AGMO: variants seen among roughly 807,000 people sequenced by gnomAD.
The protein encoded by AGMO is alkylglycerol monooxygenase, also known as glyceryl-ether monooxygenase.
A neutral mutation model predicts 60.2 loss-of-function variants in AGMO; 75 were observed. That is an observed-to-expected ratio of 1.25 (90% CI 1.03 to 1.51). AGMO has a LOEUF of 1.51. AGMO is among the 40% of genes most tolerant of loss of function. The probability of loss-of-function intolerance (pLI) is 0.00; values close to 1 mark genes in which losing one functional copy is unlikely to be tolerated. For synonymous variants in AGMO, 261 were observed against 177.1 expected (o/e 1.47, Z -3.76); for missense variants, 763 against 525.5 (o/e 1.45, Z -4.42).
the AGMO span, among the ~76,000 whole-genome samples, chr7:15,156,101 A>G: frequency 6.6e-6 from 1 of 152,178 alleles, no homozygotes; most frequent in Admixed American, 6.5e-5. Flanking sequence ...GGGTCCTTGT[A>G]CATATGCACA....
intron 5 of AGMO, among the ~76,000 whole-genome samples, chr7:15,402,310 T>C (rs1211951197): frequency 6.6e-6 from 1 of 151,126 alleles, no homozygotes; most frequent in Admixed American, 6.6e-5. Context: ...TTCTCTTTCT[T>C]TTTCTCTCTC....
the AGMO span, among the ~76,000 whole-genome samples, chr7:15,126,480 A>G: frequency 1.3e-5 from 2 of 152,202 alleles, no homozygotes; most frequent in African/African-American, 4.8e-5. Context: ...ATAGTTACCT[A>G]TGAAATAAAG....
chr7:15,322,981 A>ATTTTTTT (rs146681446), intron 12 of AGMO, among the ~76,000 whole-genome samples: 6 of 146,376 alleles, frequency 4.1e-5, no homozygotes, highest in Non-Finnish European at 7.4e-5. Flanking sequence ...ATATATATGT[A>ATTTTTTT]TTTATTTTTT....
intron 12 of AGMO, among the ~76,000 whole-genome samples, chr7:15,245,407 G>GT (rs1280432024): frequency 1.3e-5 from 2 of 152,138 alleles, no homozygotes; most frequent in African/African-American, 4.8e-5. Context: ...CTGAGAGGGA[G>GT]TTTGAGATTT....
intron 2 of AGMO, among the ~76,000 whole-genome samples, chr7:15,547,632 G>A (rs891981550): frequency 6.6e-6 from 1 of 152,110 alleles, no homozygotes; most frequent in South Asian, 2.1e-4. Context: ...GGCGCACCAC[G>A]AGATTATATC....
chr7:15,291,020 G>A (rs1050566943), intron 12 of AGMO, among the ~76,000 whole-genome samples: 4 of 152,016 alleles, frequency 2.6e-5, no homozygotes, highest in African/African-American at 9.7e-5. Context: ...ATTCATTCTT[G>A]TGTGCAATAA....
At chr7:15,189,328 GTTTTT>G in the AGMO span, among the ~76,000 whole-genome samples, 3 of 149,702 alleles carry the variant, frequency 2.0e-5, no homozygotes, top group South Asian at 2.1e-4. Context: ...CTGATTTTAA[GTTTTT>G]TTTTTCTTTT....
intron 2 of AGMO, 82 bp downstream of exon 2, chr7:15,560,059 C>A (rs1240928416): frequency 7.9e-6 from 10 of 1,260,086 alleles, no homozygotes; most frequent in Non-Finnish European, 9.4e-6. Context: ...TAAACTAATT[C>A]TCCCATGCAT....
intron 5 of AGMO, among the ~76,000 whole-genome samples, chr7:15,414,964 T>A (rs4503002): frequency 0.68 from 103,951 of 151,954 alleles, 35,988 homozygotes; most frequent in Middle Eastern, 0.77. Context: ...TGATTCTACC[T>A]CATACCATAT....
rs1178276622 is a variant in AGMO at position 15,315,328 on chromosome 7, C to CTTTTTTTTTTTTTTT, written c.1263+50171_1263+50185dup. ...TAAGCAAAACTTACATGGATATTTG[C>CTTTTTTTTTTTTTTT]TTTTTTTTTTTTTTTTTTTTTTTTT... On this transcript the variant is annotated intron_variant, in intron 12 of 12. Coordinates refer to ENST00000342526, the MANE Select transcript of AGMO (RefSeq NM_001004320.2). 1.2e-4 allele frequency among the ~76,000 whole-genome samples: 6 copies of CTTTTTTTTTTTTTTT among 48,198 alleles called. 2 individuals carry two copies. Among genetic ancestry groups the CTTTTTTTTTTTTTTT allele is most frequent in the African/African-American group, 4.5e-4 (6 of 13,200 alleles). 31.6% of individuals were successfully genotyped at this position (48,198 alleles called of 152,430 possible). A position where few individuals can be genotyped will look rare whatever the true frequency, so the allele number is the denominator to read the frequency against.
At chr7:15,201,458 G>A (rs879217039) in intron 12 of AGMO, 99 bp from the exon 13 acceptor site, 1 of 771,680 alleles carries the variant, frequency 1.3e-6, no homozygotes, top group Non-Finnish European at 2.1e-6. Flanking sequence ...AATGAACATG[G>A]ACATTTTAGG....
At chr7:15,494,564 G>T (rs563409089) in intron 3 of AGMO, among the ~76,000 whole-genome samples, 1 of 152,310 alleles carries the variant, frequency 6.6e-6, no homozygotes, top group East Asian at 1.9e-4. Context: ...AGCCTGTGTA[G>T]CAAAGATGCT....
At chr7:15,469,082 T>C (rs935969603) in intron 3 of AGMO, among the ~76,000 whole-genome samples, 2 of 152,144 alleles carry the variant, frequency 1.3e-5, no homozygotes, top group African/African-American at 4.8e-5. Flanking sequence ...CGGGTTGTTT[T>C]CGTTGCATGT....
At chr7:15,354,546 C>A (rs1782446745) in intron 12 of AGMO, among the ~76,000 whole-genome samples, 1 of 103,718 alleles carries the variant, frequency 9.6e-6, no homozygotes, top group South Asian at 3.4e-4. Context: ...ATATAGCTCC[C>A]CTCATAGGAC....
Position 15,418,655 on chromosome 7 carries a change from T to C in AGMO, c.514-2A>G. On this transcript the variant is annotated splice_acceptor_variant, in intron 4 of 12. Transcript: ENST00000342526. LOFTEE classifies it high-confidence loss of function. ...GAGGGCCAGGGGAGAGTAGAAAATC[T>C]GAAAGAAAAAATTAAAAAAAAATTA... 6.5e-7 allele frequency: 1 copy of C among 1,539,110 alleles called. No individual in the cohort carries two copies. The highest frequency in any genetic ancestry group is 8.8e-7 in the Non-Finnish European group (1 of 1,142,616).
chr7:15,392,331 A>T (rs1435551666), intron 6 of AGMO, among the ~76,000 whole-genome samples: 2 of 138,670 alleles, frequency 1.4e-5, no homozygotes, highest in Non-Finnish European at 3.1e-5. Flanking sequence ...TCCGCCTCCC[A>T]AAGTGTTGGG....
At chr7:15,279,802 G>A (rs4332038) in intron 12 of AGMO, among the ~76,000 whole-genome samples, 2,734 of 152,254 alleles carry the variant, frequency 0.018, 90 homozygotes, top group African/African-American at 0.063. Context: ...TGTCAATCCA[G>A]GCCAAGGGAG....
rs576721500 is a variant in AGMO at position 15,238,919 on chromosome 7, T to C, written c.1264-37560A>G. Among the ~76,000 whole-genome samples the C allele has an allele frequency of 1.8e-4, 27 of 152,260 alleles. No individual in the cohort carries two copies. In the South Asian group the frequency reaches 5.6e-3, roughly 32 times the overall value. ...ATTACTATACACCAGGCGCAGGCGC[T>C]ATTTAAAGTTGTTTGCATATGTAAA... On this transcript the variant is annotated intron_variant, in intron 12 of 12. Coordinates refer to ENST00000342526, the MANE Select transcript of AGMO (RefSeq NM_001004320.2).
At chr7:15,412,675 T>C (rs1352720847) in intron 5 of AGMO, among the ~76,000 whole-genome samples, 6 of 146,254 alleles carry the variant, frequency 4.1e-5, no homozygotes, top group African/African-American at 1.5e-4. Flanking sequence ...CCTCCAGCAT[T>C]TCATTATTTA....
Sources: allele counts gnomAD v4.1 joint callset (sites outside exome capture counted in the v4.1 genomes callset), GRCh38; gene constraint gnomAD v4.1.1; transcripts MANE v1.5; gene names NCBI Gene and HGNC (gene_info 2026-07-23, HGNC 2026-07-21).